The following DLGAP4 variants were observed in gnomAD, a reference collection of about 807,000 sequenced individuals.
The protein encoded by DLGAP4 is DLG associated protein 4, also known as disks large-associated protein 4.
In DLGAP4, 18 loss-of-function variants were observed where a neutral mutation model predicts 86.9. The ratio of observed to expected loss-of-function variants is 0.21; its 90% CI spans 0.14 to 0.31. The LOEUF (loss-of-function observed/expected upper bound fraction) is 0.31, where lower values mean the gene tolerates loss of function less well. Among genes scored for constraint, DLGAP4 ranks in the 10% least tolerant of loss-of-function variants. DLGAP4 has a pLI of 1.00. For synonymous variants in DLGAP4, 548 were observed against 574.3 expected, an observed-to-expected ratio of 0.95 and a Z score of 0.65; for missense variants, 1,085 against 1,362.6, an observed-to-expected ratio of 0.80 and a Z score of 3.21.
chr20:36,440,712 G>A lies in DLGAP4; in HGVS notation c.1356+844G>A, dbSNP rs116275316. Among the ~76,000 whole-genome samples the A allele has an allele frequency of 5.7e-3, 868 of 152,158 alleles. 10 individuals are homozygous for A. Among genetic ancestry groups the A allele is most frequent in the African/African-American group, 0.017 (697 of 41,514 alleles). ...CCTGCCGTGTACTCGGCACTTTAGGGTTTGCAAAGGGAGAACCAGGCAGGA... is the reference window on the plus strand; with the variant it reads ...CCTGCCGTGTACTCGGCACTTTAGGATTTGCAAAGGGAGAACCAGGCAGGA... On this transcript the variant is annotated intron_variant, in intron 5 of 12. Coordinates refer to ENST00000339266, the MANE Select transcript of DLGAP4 (RefSeq NM_001365621.2).
intron 1 of DLGAP4, among the ~76,000 whole-genome samples, chr20:36,310,860 G>A (rs930731275): frequency 2.4e-4 from 37 of 152,332 alleles, no homozygotes; most frequent in Middle Eastern, 3.4e-3. Context: ...GCATCTTTGA[G>A]AAAAGCTGTC....
chr20:36,486,003 G>A (rs905742377), intron 7 of DLGAP4, among the ~76,000 whole-genome samples: 23 of 152,164 alleles, frequency 1.5e-4, no homozygotes, highest in African/African-American at 4.6e-4. Context: ...GTGGTGGGGC[G>A]TGATCTGAAG....
In DLGAP4 at chr20:36,500,225, C is replaced by T. The variant is rs779234391; in HGVS notation, c.2126C>T (p.Ser709Phe). ...WRSSVPSHSMSSRRDTDSDTQ... is the reference protein window; with the variant it reads ...WRSSVPSHSMFSRRDTDSDTQ... ...AGCAGCGTCCCCTCTCACAGTATGT[C>T]CTCCCGACGGGACACAGACTCGGAT... Residue 709 changes from serine to phenylalanine, a missense_variant, in exon 10 of 13, where the codon TCC becomes TTC. Around this residue, in one of 2 missense-constraint regions of DLGAP4, gnomAD observed 1,082 missense variants for 1,344.1 expected, o/e 0.81. Transcript: ENST00000339266. This position sits in a 1 kb window ranked among gnomAD's most constrained non-coding sequence, Gnocchi z 4.6. The T allele has an allele frequency of 6.4e-7, 1 of 1,570,056 alleles. No individual in the cohort carries two copies. The highest frequency in any genetic ancestry group is 8.6e-7 in the Non-Finnish European group (1 of 1,157,428).
intron 1 of DLGAP4, among the ~76,000 whole-genome samples, chr20:36,328,039 A>C (rs1555891142): frequency 6.6e-6 from 1 of 151,554 alleles, no homozygotes; most frequent in Non-Finnish European, 1.5e-5. Flanking sequence ...TCTCTACTAA[A>C]AATACAAAAA....
chr20:36,355,334 G>A (rs1600427718), intron 1 of DLGAP4, among the ~76,000 whole-genome samples: 1 of 138,354 alleles, frequency 7.2e-6, no homozygotes, highest in East Asian at 2.1e-4. Context: ...GTCTCACTCT[G>A]TCTTCCAGGC....
chr20:36,337,677 C>T (rs1389559321), intron 1 of DLGAP4, among the ~76,000 whole-genome samples: 7 of 152,142 alleles, frequency 4.6e-5, no homozygotes, highest in Non-Finnish European at 8.8e-5. Context: ...CTCTGGGAAG[C>T]GGGTGCTTCC....
Position 36,350,473 on chromosome 20 carries a change from A to G in DLGAP4, c.-303-16572A>G, listed in dbSNP as rs1029371069. Among the ~76,000 whole-genome samples, 1 of 152,070 alleles carries G rather than the reference A, an allele frequency of 6.6e-6. No individual in the cohort carries two copies. The highest frequency in any genetic ancestry group is 6.5e-5 in the Admixed American group (1 of 15,282). ...CACTCAGAATTCAACTTCCTTCAAT[A>G]TCTCAATTTGCAGGTGCTTAATGAA... On this transcript the variant is annotated intron_variant, in intron 1 of 12. Coordinates refer to ENST00000339266, the MANE Select transcript of DLGAP4 (RefSeq NM_001365621.2). The surrounding 1 kb of genome is among the most constrained non-coding windows in gnomAD (Gnocchi z 4.4).
chr20:36,413,613 G>T (rs2032570761), intron 2 of DLGAP4, among the ~76,000 whole-genome samples: 1 of 150,510 alleles, frequency 6.6e-6, no homozygotes, highest in Admixed American at 6.6e-5. Context: ...TAGAGGTGGG[G>T]TTTCACCATG....
chr20:36,359,062 C>T (rs1345772829), intron 1 of DLGAP4, among the ~76,000 whole-genome samples: 1 of 152,150 alleles, frequency 6.6e-6, no homozygotes, highest in Non-Finnish European at 1.5e-5. Flanking sequence ...TAACCATGAG[C>T]CACATGTGGC....
chr20:36,427,117 A>C (rs1021397112), intron 2 of DLGAP4, among the ~76,000 whole-genome samples: 4 of 152,234 alleles, frequency 2.6e-5, no homozygotes, highest in Middle Eastern at 3.4e-3. Flanking sequence ...CAGGAGATCA[A>C]AGCTGCGGTG....
At chr20:36,513,291 G>C (rs567894931) in intron 10 of DLGAP4, among the ~76,000 whole-genome samples, 1 of 151,682 alleles carries the variant, frequency 6.6e-6, no homozygotes, top group Admixed American at 6.6e-5. Flanking sequence ...GCTCACGCCT[G>C]TAATCCCAGC....
At position 36,410,723 on chromosome 20, in the gene DLGAP4, A is replaced by G. The variant is rs2032474827; in HGVS notation, c.-72-20923A>G. Among the ~76,000 whole-genome samples the G allele has an allele frequency of 4.6e-5, 7 of 152,120 alleles. No homozygotes were observed. In the South Asian group the frequency reaches 1.4e-3, roughly 31 times the overall value. ...TGAGAATTCACTCATCACTATGGGA[A>G]TGGTGCTAAGCCATTCTTGAGGGAC... On this transcript the variant is annotated intron_variant, in intron 2 of 12. Transcript: ENST00000339266.
chr20:36,444,479 T>C (rs2033538255), intron 6 of DLGAP4, among the ~76,000 whole-genome samples: 1 of 152,048 alleles, frequency 6.6e-6, no homozygotes. Flanking sequence ...TCTCGCTGTG[T>C]TGCCCAGGCT....
chr20:36,359,821 T>G (rs2030456866), intron 1 of DLGAP4, among the ~76,000 whole-genome samples: 1 of 152,114 alleles, frequency 6.6e-6, no homozygotes, highest in Non-Finnish European at 1.5e-5. Context: ...CTGCCCAAGC[T>G]TCTCAAAATG....
chr20:36,525,450 T>C (rs1045866020), intron 11 of DLGAP4: 3 of 266,446 alleles, frequency 1.1e-5, no homozygotes, highest in Admixed American at 4.6e-5. Context: ...TGCGTTGTCA[T>C]GGAACAGAGT....
Position 36,353,574 on chromosome 20 carries a change from C to T in DLGAP4, c.-303-13471C>T, listed in dbSNP as rs1202612718. ...TAAGCACCTGGTTACAAACTCAGCA[C>T]ATGCAGGCCACAGGGGGCCCAGGAG... On this transcript the variant is annotated intron_variant, in intron 1 of 12. Transcript: ENST00000339266. Among the ~76,000 whole-genome samples, 6 of 152,244 alleles carry T rather than the reference C, an allele frequency of 3.9e-5. No homozygotes were observed. In the East Asian group the frequency reaches 7.7e-4, roughly 20 times the overall value.
chr20:36,327,590 CTTTT>C (rs555766337), intron 1 of DLGAP4, among the ~76,000 whole-genome samples: 2 of 120,016 alleles, frequency 1.7e-5, no homozygotes, highest in Admixed American at 8.5e-5. Flanking sequence ...TGGTTAAATT[CTTTT>C]TTTTTTTTTT....
chr20:36,328,895 C>T (rs2065241719), intron 1 of DLGAP4, among the ~76,000 whole-genome samples: 2 of 152,142 alleles, frequency 1.3e-5, no homozygotes, highest in South Asian at 4.1e-4. Flanking sequence ...TCTGCCTCAG[C>T]CTCCTGAGTA....
chr20:36,410,738 T>G (rs4401267), intron 2 of DLGAP4, among the ~76,000 whole-genome samples: 77,438 of 151,920 alleles, frequency 0.51, 21,302 homozygotes, highest in Middle Eastern at 0.63. Flanking sequence ...GCTAAGCCAT[T>G]CTTGAGGGAC....
Sources: allele counts gnomAD v4.1 joint callset (sites outside exome capture counted in the v4.1 genomes callset), GRCh38; gene constraint gnomAD v4.1.1; regional missense constraint gnomAD v4.1.1; non-coding constraint Gnocchi (gnomAD v3.1); transcripts MANE v1.5; gene names NCBI Gene and HGNC (gene_info 2026-07-23, HGNC 2026-07-21).